Variants in GRIN3A observed in about 807,000 individuals in gnomAD.
The protein encoded by GRIN3A is glutamate receptor ionotropic, NMDA 3A.
GRIN3A carries 47 observed loss-of-function variants against 92.4 expected under a neutral mutation model. That is an observed-to-expected ratio of 0.51 (90% confidence interval 0.40 to 0.65). The LOEUF is 0.65. GRIN3A is among the 30% of genes least tolerant of loss of function. The pLI is 0.00. For missense variants in GRIN3A, 1,324 were observed against 1,393.1 expected (o/e 0.95, Z 0.79); for synonymous variants, 527 against 540.6 (o/e 0.97, Z 0.35).
At chr9:101,627,373 T>C (rs1828647885) in intron 4 of GRIN3A, among the ~76,000 whole-genome samples, 1 of 152,228 alleles carries the variant, frequency 6.6e-6, no homozygotes, top group Admixed American at 6.5e-5. Flanking sequence ...AAAACCCTTA[T>C]GTTCCATGAA....
At chr9:101,619,994 A>G (rs1828528243) in intron 5 of GRIN3A, among the ~76,000 whole-genome samples, 1 of 152,224 alleles carries the variant, frequency 6.6e-6, no homozygotes, top group Admixed American at 6.5e-5. Context: ...ATGAGTACTC[A>G]TGAAAGGGTT....
intron 1 of GRIN3A, among the ~76,000 whole-genome samples, chr9:101,736,983 A>G (rs975107892): frequency 6.6e-6 from 1 of 151,836 alleles, no homozygotes; most frequent in Non-Finnish European, 1.5e-5. Flanking sequence ...TCGGGCATCT[A>G]CTAGATTTCT....
Position 101,680,795 on chromosome 9 carries a change from A to C in GRIN3A, c.1304+5801T>G, listed in dbSNP as rs12344841. 7.3e-3 allele frequency among the ~76,000 whole-genome samples: 1,113 copies of C among 152,312 alleles called. 12 individuals are homozygous for C. Among genetic ancestry groups the C allele is most frequent in the African/African-American group, 0.026 (1,074 of 41,568 alleles). On this transcript the variant is annotated intron_variant, in intron 2 of 8. Coordinates refer to ENST00000361820, the MANE Select transcript of GRIN3A (RefSeq NM_133445.3). ...ACCTTATATTAGTTAATTTCAGCAA[A>C]TACATGTGAACAAAGGAACGAATTA...
intron 1 of GRIN3A, among the ~76,000 whole-genome samples, chr9:101,726,964 G>A (rs1265688879): frequency 6.6e-6 from 1 of 151,906 alleles, no homozygotes; most frequent in Non-Finnish European, 1.5e-5. Context: ...AAGGGATCAA[G>A]GACAAGAAGC....
At position 101,738,072 on chromosome 9, in the gene GRIN3A, G is replaced by A. The variant is rs1054984472; in HGVS notation, c.-93C>T. ...TGAGGTCTCCGCCTCCAGGTCCCGC[G>A]CGCAGCTTCACTCCACTCGGTGAAG... is the stretch of plus-strand genomic sequence containing the variant. On this transcript the variant is annotated 5_prime_UTR_variant, in exon 1 of 9. Transcript: ENST00000361820. 34 of 1,088,626 alleles carry A rather than the reference G, an allele frequency of 3.1e-5. 1 individual carries two copies. The Middle Eastern group carries it at 2.8e-3, about 90-fold the overall frequency. The allele number at this position is 1,088,626 out of a possible 1,614,324, so 67.4% of individuals were successfully genotyped here.
intron 1 of GRIN3A, among the ~76,000 whole-genome samples, chr9:101,733,150 C>T (rs572923996): frequency 3.3e-5 from 5 of 152,204 alleles, no homozygotes; most frequent in South Asian, 4.2e-4. Flanking sequence ...TCAGCTGATT[C>T]GATCATAAAT....
chr9:101,574,156 T>C (rs1362265513), intron 8 of GRIN3A, among the ~76,000 whole-genome samples: 1 of 152,168 alleles, frequency 6.6e-6, no homozygotes, highest in Admixed American at 6.6e-5. Flanking sequence ...CTTGCTGGGA[T>C]AATGAAAGTC....
chr9:101,644,268 G>A (rs912986832), intron 3 of GRIN3A, among the ~76,000 whole-genome samples: 17 of 151,552 alleles, frequency 1.1e-4, no homozygotes, highest in African/African-American at 3.6e-4. Context: ...TCATTTCCAG[G>A]TAGACTATTT....
intron 3 of GRIN3A, among the ~76,000 whole-genome samples, 157 bp from the exon 4 acceptor site, chr9:101,628,558 A>G (rs1034102379): frequency 6.6e-6 from 1 of 152,236 alleles, no homozygotes; most frequent in Non-Finnish European, 1.5e-5. Flanking sequence ...ACATGGCTAC[A>G]TGCTTTTTAC....
intron 3 of GRIN3A, among the ~76,000 whole-genome samples, chr9:101,640,842 G>A (rs1269872041): frequency 6.6e-6 from 1 of 152,132 alleles, no homozygotes; most frequent in Non-Finnish European, 1.5e-5. Context: ...CTTCCACCAT[G>A]AGTGTGAGGC....
intron 6 of GRIN3A, among the ~76,000 whole-genome samples, chr9:101,590,631 C>T (rs988609034): frequency 2.0e-5 from 3 of 152,016 alleles, no homozygotes; most frequent in East Asian, 1.9e-4. Context: ...CTGCCCGCCT[C>T]GGCCTCCCAA....
chr9:101,693,504 C>T (rs970136318), intron 1 of GRIN3A, among the ~76,000 whole-genome samples: 1 of 151,970 alleles, frequency 6.6e-6, no homozygotes, highest in African/African-American at 2.4e-5. Context: ...CTATACTGTT[C>T]CCTCTACTTG....
intron 3 of GRIN3A, among the ~76,000 whole-genome samples, chr9:101,635,472 T>C (rs751323007): frequency 6.6e-6 from 1 of 152,246 alleles, no homozygotes; most frequent in Non-Finnish European, 1.5e-5. Context: ...TGTCCCCTGA[T>C]ATAGACAATT....
chr9:101,577,707 A>T, intron 8 of GRIN3A, 61 bp downstream of exon 8: 1 of 1,156,276 alleles, frequency 8.6e-7, no homozygotes, highest in Non-Finnish European at 1.3e-6. Context: ...ATAATTATAC[A>T]GTTAGATCTC....
chr9:101,722,198 A>G (rs1339722171), intron 1 of GRIN3A, among the ~76,000 whole-genome samples: 1 of 152,224 alleles, frequency 6.6e-6, no homozygotes, highest in Non-Finnish European at 1.5e-5. Flanking sequence ...AGAGGGTGGA[A>G]GCCCCAAGCC....
At chr9:101,649,856 T>A (rs189944827) in intron 3 of GRIN3A, among the ~76,000 whole-genome samples, 2 of 152,074 alleles carry the variant, frequency 1.3e-5, no homozygotes, top group South Asian at 2.1e-4. Context: ...GTACGACCCT[T>A]GTCTCTGGAA....
intron 3 of GRIN3A, among the ~76,000 whole-genome samples, chr9:101,638,895 C>T (rs1233895919): frequency 6.6e-6 from 1 of 152,180 alleles, no homozygotes; most frequent in Non-Finnish European, 1.5e-5. Context: ...AGCCATTGTA[C>T]ATGTAGCCAA....
chr9:101,687,758 C>T (rs1309444189), intron 1 of GRIN3A, among the ~76,000 whole-genome samples: 1 of 152,180 alleles, frequency 6.6e-6, no homozygotes, highest in Non-Finnish European at 1.5e-5. Context: ...TCAATACATA[C>T]ATCAAGACTA....
intron 5 of GRIN3A, 51 bp downstream of exon 5, chr9:101,623,267 C>A: frequency 7.8e-7 from 1 of 1,282,284 alleles, no homozygotes; most frequent in Non-Finnish European, 1.1e-6. Flanking sequence ...TCTAGGTTGG[C>A]AAACTGAGCA....
Sources: gnomAD v4.1 joint callset for allele counts (sites outside exome capture counted in the v4.1 genomes callset) on GRCh38, gnomAD v4.1.1 for gene constraint, MANE v1.5 for transcripts, NCBI Gene and HGNC (gene_info 2026-07-23, HGNC 2026-07-21) for gene names.